Variants in NUBPL observed in about 807,000 individuals in gnomAD.
The protein encoded by NUBPL is NUBP iron-sulfur cluster assembly factor, mitochondrial.
A neutral mutation model predicts 45.7 loss-of-function variants in NUBPL; 31 were observed. The observed-to-expected ratio is 0.68, with a 90% CI of 0.51 to 0.92. NUBPL has a LOEUF of 0.92. Ranked by LOEUF, NUBPL falls within the 40% of genes least tolerant of loss-of-function variation. NUBPL has a pLI of 0.00. For missense variants in NUBPL, 401 were observed against 398.7 expected (o/e 1.01, Z -0.05); for synonymous variants, 144 against 140.9 (o/e 1.02, Z -0.15).
intron 4 of NUBPL, among the ~76,000 whole-genome samples, chr14:31,639,165 G>A (rs575388012): frequency 9.2e-5 from 14 of 152,208 alleles, no homozygotes; most frequent in African/African-American, 3.4e-4. Flanking sequence ...AGGTGCTCTG[G>A]TTTTTAGAGT....
intron 8 of NUBPL, among the ~76,000 whole-genome samples, chr14:31,838,279 C>CAAAAAAAA (rs748313330): frequency 2.8e-4 from 17 of 60,266 alleles, no homozygotes; most frequent in African/African-American, 6.6e-4. Context: ...TAATATCCAG[C>CAAAAAAAA]AAAAAAAAAA....
intron 3 of NUBPL, among the ~76,000 whole-genome samples, chr14:31,568,130 A>G (rs1215542896): frequency 1.3e-5 from 2 of 152,170 alleles, no homozygotes; most frequent in Non-Finnish European, 2.9e-5. Flanking sequence ...GATTTTAATG[A>G]CAGCACTTAG....
chr14:31,773,072 A>T (rs2039038140), intron 6 of NUBPL, among the ~76,000 whole-genome samples: 1 of 152,110 alleles, frequency 6.6e-6, no homozygotes, highest in Non-Finnish European at 1.5e-5. Flanking sequence ...ATTTATTTCC[A>T]CAAGTCTGTA....
chr14:31,614,337 T>C (rs1455275282), intron 4 of NUBPL, among the ~76,000 whole-genome samples: 1 of 152,200 alleles, frequency 6.6e-6, no homozygotes, highest in Non-Finnish European at 1.5e-5. Context: ...ATACCAGTTT[T>C]AATAATCAGA....
chr14:31,704,333 T>G (rs1367001653), intron 6 of NUBPL, among the ~76,000 whole-genome samples: 1 of 152,168 alleles, frequency 6.6e-6, no homozygotes, highest in Non-Finnish European at 1.5e-5. Context: ...CACTGAGGAT[T>G]TTTATACTTA....
intron 4 of NUBPL, among the ~76,000 whole-genome samples, chr14:31,634,708 A>G (rs1156977840): frequency 1.3e-4 from 20 of 152,098 alleles, no homozygotes; most frequent in East Asian, 5.8e-4. Context: ...CCCACCAACA[A>G]TGTAAAAGTG....
intron 7 of NUBPL, among the ~76,000 whole-genome samples, chr14:31,810,717 G>T (rs1351279217): frequency 6.6e-6 from 1 of 152,114 alleles, no homozygotes; most frequent in Non-Finnish European, 1.5e-5. Context: ...TAGCATCAAT[G>T]GTCTTTACAC....
chr14:31,641,881 C>T (rs1566469967), intron 4 of NUBPL, among the ~76,000 whole-genome samples: 1 of 152,028 alleles, frequency 6.6e-6, no homozygotes, highest in Non-Finnish European at 1.5e-5. Flanking sequence ...TTTTAACTGG[C>T]CGTTTTATAC....
intron 8 of NUBPL, among the ~76,000 whole-genome samples, chr14:31,842,245 T>G (rs1444050331): frequency 6.6e-6 from 1 of 151,802 alleles, no homozygotes; most frequent in East Asian, 1.9e-4. Flanking sequence ...CTCTTTATTC[T>G]ATTACAACCA....
intron 3 of NUBPL, among the ~76,000 whole-genome samples, chr14:31,594,391 C>T (rs1385453002): frequency 2.0e-5 from 3 of 152,112 alleles, no homozygotes; most frequent in East Asian, 1.9e-4. Context: ...CTAGCATGGG[C>T]GACAGAGCAA....
chr14:31,726,405 G>A (rs575443511), intron 6 of NUBPL, among the ~76,000 whole-genome samples: 2 of 152,180 alleles, frequency 1.3e-5, no homozygotes, highest in Non-Finnish European at 2.9e-5. Context: ...AAACTACTGG[G>A]AAGGTTATTT....
intron 9 of NUBPL, among the ~76,000 whole-genome samples, chr14:31,849,193 T>C (rs2040500930): frequency 6.6e-6 from 1 of 152,204 alleles, no homozygotes; most frequent in South Asian, 2.1e-4. Context: ...TAACATATAC[T>C]TCATTATTTA....
intron 4 of NUBPL, among the ~76,000 whole-genome samples, chr14:31,647,286 A>T (rs559141501): frequency 6.6e-6 from 1 of 152,300 alleles, no homozygotes; most frequent in South Asian, 2.1e-4. Flanking sequence ...TGTATTTGCA[A>T]TGAAGGATTA....
intron 6 of NUBPL, among the ~76,000 whole-genome samples, chr14:31,726,951 A>G (rs2037939467): frequency 6.6e-6 from 1 of 152,126 alleles, no homozygotes; most frequent in South Asian, 2.1e-4. Flanking sequence ...AACAGATATC[A>G]GTAGCAACCC....
chr14:31,786,516 G>C (rs889176802), intron 6 of NUBPL, among the ~76,000 whole-genome samples: 1 of 151,458 alleles, frequency 6.6e-6, no homozygotes, highest in Non-Finnish European at 1.5e-5. Context: ...TAAAGCTGGT[G>C]ATTATGTATT....
At chr14:31,589,732 C>A (rs942883045) in intron 3 of NUBPL, among the ~76,000 whole-genome samples, 2 of 152,114 alleles carry the variant, frequency 1.3e-5, no homozygotes, top group Non-Finnish European at 2.9e-5. Flanking sequence ...CAAACTGCTC[C>A]CCCGTCCAAC....
intron 4 of NUBPL, among the ~76,000 whole-genome samples, chr14:31,610,989 A>G (rs1231368924): frequency 6.6e-6 from 1 of 152,182 alleles, no homozygotes; most frequent in Non-Finnish European, 1.5e-5. Context: ...AATGGAGAAA[A>G]ACTGAAAGCC....
intron 6 of NUBPL, among the ~76,000 whole-genome samples, chr14:31,680,867 G>T (rs1362369618): frequency 1.3e-5 from 2 of 152,006 alleles, no homozygotes; most frequent in East Asian, 1.9e-4. Flanking sequence ...GAATATTTTT[G>T]ATCTGCAGTT....
intron 6 of NUBPL, among the ~76,000 whole-genome samples, chr14:31,747,072 CAA>C (rs371061163): frequency 0.015 from 1,008 of 65,512 alleles, no homozygotes; most frequent in Middle Eastern, 0.026. Flanking sequence ...AACCTGTCTC[CAA>C]AAAAAAAAAA....
Sources: allele counts gnomAD v4.1 joint callset (sites outside exome capture counted in the v4.1 genomes callset), GRCh38; gene constraint gnomAD v4.1.1; transcripts MANE v1.5; gene names NCBI Gene and HGNC (gene_info 2026-07-23, HGNC 2026-07-21).